Variants in KLHDC9 observed in about 807,000 individuals in gnomAD.
KLHDC9 encodes the protein kelch domain-containing protein 9.
In KLHDC9, 26 loss-of-function variants were observed where a neutral mutation model predicts 31.5. The observed-to-expected ratio is 0.83, with a 90% CI of 0.61 to 1.15. KLHDC9 has a LOEUF of 1.15. Among genes scored for constraint, KLHDC9 ranks in the 50% most tolerant of loss-of-function variants. The pLI is 0.00. For missense variants in KLHDC9, 437 were observed against 467.7 expected, an observed-to-expected ratio of 0.93 and a Z score of 0.61; for synonymous variants, 176 against 184.7, an observed-to-expected ratio of 0.95 and a Z score of 0.38.
Position 161,098,553 on chromosome 1 carries a change from C to G in KLHDC9, c.18C>G (p.Pro6=). 1 of 1,555,992 alleles carries G rather than the reference C, an allele frequency of 6.4e-7. No homozygotes were observed. Among genetic ancestry groups the G allele is most frequent in the Non-Finnish European group, 8.7e-7 (1 of 1,149,314 alleles). The change falls in exon 1 of 4, where the codon CCC becomes CCG. Residue 6 remains proline, a synonymous_variant. Transcript: ENST00000368011. The surrounding 1 kb of genome is among the most constrained non-coding windows in gnomAD (Gnocchi z 6.3). MAVAV[P]PGRAAGSGWA... ...CGGGGCCCATGGCGGTGGCCGTGCCCCCGGGTCGGGCCGCAGGCTCAGGCT... is the reference window on the plus strand; with the variant it reads ...CGGGGCCCATGGCGGTGGCCGTGCCGCCGGGTCGGGCCGCAGGCTCAGGCT...
rs568248738 is a variant in KLHDC9 at position 161,099,254 on chromosome 1, C to G, written c.528-92C>G. Reference sequence around the variant, plus strand: ...CTCTTATCCCACCTACCGCACTGCCCCATGCCTCTTCTCCATCCATCCTTG... The same window carrying G: ...CTCTTATCCCACCTACCGCACTGCCGCATGCCTCTTCTCCATCCATCCTTG... On this transcript the variant is annotated intron_variant, in intron 1 of 3. Transcript: ENST00000368011. The G allele has an allele frequency of 2.2e-5, 32 of 1,482,122 alleles. No homozygotes were observed. The African/African-American group carries it at 4.0e-4, about 19-fold the overall frequency. The allele number at this position is 1,482,122 out of a possible 1,614,324, so 91.8% of individuals were successfully genotyped here. A position where few individuals can be genotyped will look rare whatever the true frequency, so the allele number is the denominator to read the frequency against.
At position 161,098,633 on chromosome 1, in the gene KLHDC9, G is replaced by A; in HGVS notation, c.98G>A (p.Cys33Tyr). 1.2e-6 allele frequency: 2 copies of A among 1,611,432 alleles called. No individual in the cohort carries two copies. Among genetic ancestry groups the A allele is most frequent in the Non-Finnish European group, 1.7e-6 (2 of 1,178,784 alleles). ...DALLARAFHS[C>Y]TELRGRFYLV... is the part of the protein sequence containing the mutation. ...CTTTTGGCTAGAGCTTTCCATTCAT[G>A]CACCGAACTGCGGGGACGGTTCTAT... Residue 33 changes from cysteine (C) to tyrosine (Y), a missense_variant, in exon 1 of 4, where the codon TGC becomes TAC. By Grantham distance (194) the Cys-to-Tyr change is radical (BLOSUM62 -2). Transcript: ENST00000368011. The surrounding 1 kb of genome is among the most constrained non-coding windows in gnomAD (Gnocchi z 6.3).
In KLHDC9 at chr1:161,099,826, G is replaced by T. The variant is rs372223707; in HGVS notation, c.886+30G>T. On this transcript the variant is annotated intron_variant, in intron 3 of 3. Transcript: ENST00000368011. ...GAGCCAGACTAATGGCTGAAGGGGG[G>T]GAAGGTGGGAAGATGGGGGAACCTG... 3.5e-5 allele frequency: 56 copies of T among 1,587,590 alleles called. No individual in the cohort carries two copies. The African/African-American group carries it at 6.9e-4, about 19-fold the overall frequency.
In KLHDC9 at chr1:161,098,696, C is replaced by T. The variant is rs1282020626; in HGVS notation, c.161C>T (p.Pro54Leu). 6.2e-7 allele frequency: 1 copy of T among 1,613,118 alleles called. No individual in the cohort carries two copies. Among genetic ancestry groups the T allele is most frequent in the South Asian group, 1.1e-5 (1 of 90,904 alleles). ...CTCCTAGCAGGAGGAGCGAGAGAGCCCAGCAGCGATACGGTGGTTTTCGAC... is the reference window on the plus strand; with the variant it reads ...CTCCTAGCAGGAGGAGCGAGAGAGCTCAGCAGCGATACGGTGGTTTTCGAC... ...GGLLAGGARE[P>L]SSDTVVFDPA... Residue 54 changes from proline to leucine, a missense_variant, in exon 1 of 4, where the codon CCC (proline) becomes CTC (leucine). Physicochemically the swap from Pro to Leu is moderately conservative, Grantham distance 98. Transcript: ENST00000368011. The surrounding 1 kb of genome is among the most constrained non-coding windows in gnomAD (Gnocchi z 6.3).
At position 161,100,115 on chromosome 1, in the gene KLHDC9, G is replaced by A. The variant is rs771536937; in HGVS notation, c.941G>A (p.Arg314His). 5.4e-5 allele frequency: 87 copies of A among 1,613,982 alleles called. No individual in the cohort carries two copies. The highest frequency in any genetic ancestry group is 7.2e-5 in the Non-Finnish European group (85 of 1,180,034). Residue 314 changes from arginine to histidine, a missense_variant, in exon 4 of 4, where the codon CGC (arginine) becomes CAC (histidine). Arg to His is a conservative substitution (Grantham distance 29). Transcript: ENST00000368011. ...HFPCADRGMK[R>H]MGHRTCLWND... is the part of the protein sequence containing the mutation. ...CCCTGTGCAGATCGTGGGATGAAAC[G>A]CATGGGCCATCGCACCTGCCTTTGG... is the stretch of plus-strand genomic sequence containing the variant.
Position 161,098,452 on chromosome 1 carries a change from C to T in KLHDC9, c.-84C>T. The stretch of plus-strand genomic sequence containing the variant: ...GGTAGGGGGAGGTTCCCGGGGAAGC[C>T]CGCGGAAGGCGAGGTGCCTGGCCTG... On this transcript the variant is annotated 5_prime_UTR_variant, in exon 1 of 4. Coordinates refer to ENST00000368011, the MANE Select transcript of KLHDC9 (RefSeq NM_152366.5). The surrounding 1 kb of genome is among the most constrained non-coding windows in gnomAD (Gnocchi z 6.3). The T allele has an allele frequency of 1.6e-6, 2 of 1,288,718 alleles. No individual in the cohort carries two copies. The highest frequency in any genetic ancestry group is 1.6e-5 in the South Asian group (1 of 60,986). The allele number at this position is 1,288,718 out of a possible 1,614,324, so 79.8% of individuals were successfully genotyped here. A position where few individuals can be genotyped will look rare whatever the true frequency, so the allele number is the denominator to read the frequency against.
rs17853053 is a variant in KLHDC9, at chr1:161,098,547, C to T, written c.12C>T (p.Ala4=). 6.4e-7 allele frequency: 1 copy of T among 1,552,660 alleles called. No individual in the cohort carries two copies. Among genetic ancestry groups the T allele is most frequent in the Non-Finnish European group, 8.7e-7 (1 of 1,147,318 alleles). Residue 4 remains alanine (A), a synonymous_variant, in exon 1 of 4, where the codon GCC becomes GCT. Transcript: ENST00000368011. The surrounding 1 kb of genome is among the most constrained non-coding windows in gnomAD (Gnocchi z 6.3). Reference sequence around the variant, plus strand: ...TCTCCCCGGGGCCCATGGCGGTGGCCGTGCCCCCGGGTCGGGCCGCAGGCT... The same window carrying T: ...TCTCCCCGGGGCCCATGGCGGTGGCTGTGCCCCCGGGTCGGGCCGCAGGCT... MAV[A]VPPGRAAGSG...
rs1362909325 is a variant in KLHDC9 at position 161,098,852 on chromosome 1, C to T, written c.317C>T (p.Thr106Ile). The change falls in exon 1 of 4, where the codon ACA becomes ATA. Residue 106 changes from threonine (T) to isoleucine (I), a missense_variant. Coordinates refer to ENST00000368011, the MANE Select transcript of KLHDC9 (RefSeq NM_152366.5). The surrounding 1 kb of genome is among the most constrained non-coding windows in gnomAD (Gnocchi z 6.3). ...GGWDGSRRLA[T>I]VTALDTERGV... ...TGGGACGGGTCTCGCCGCTTGGCCA[C>T]AGTGACCGCACTGGACACAGAGCGC... is the stretch of plus-strand genomic sequence containing the variant. 6.3e-7 allele frequency: 1 copy of T among 1,579,446 alleles called. No individual in the cohort carries two copies. The highest frequency in any genetic ancestry group is 8.6e-7 in the Non-Finnish European group (1 of 1,163,060).
Position 161,099,797 on chromosome 1 carries a change from G to T in KLHDC9, c.886+1G>T, listed in dbSNP as rs139418163. 6.2e-7 allele frequency: 1 copy of T among 1,612,074 alleles called. No homozygotes were observed. The highest frequency in any genetic ancestry group is 1.1e-5 in the South Asian group (1 of 91,030). ...AATGATCTCTACATCTATGATACTC[G>T]TGAGAGCCAGACTAATGGCTGAAGG... On this transcript the variant is annotated splice_donor_variant, in intron 3 of 3. Coordinates refer to ENST00000368011, the MANE Select transcript of KLHDC9 (RefSeq NM_152366.5). LOFTEE classifies it high-confidence loss of function.
rs1654500161 is a variant in KLHDC9 at position 161,099,928 on chromosome 1, GAAT to G, written c.887-131_887-129del. ...TTGACAGGAGTTAAAGGAGTACACA[GAAT>G]ATTAAGCATTTGAAGAGGCCTACAA... On this transcript the variant is annotated intron_variant, in intron 3 of 3. Coordinates refer to ENST00000368011, the MANE Select transcript of KLHDC9 (RefSeq NM_152366.5). 3.8e-6 allele frequency: 5 copies of G among 1,331,476 alleles called. No homozygotes were observed. In the Admixed American group the frequency reaches 8.7e-5, roughly 23 times the overall value. The allele number at this position is 1,331,476 out of a possible 1,614,324, so 82.5% of individuals were successfully genotyped here.
At position 161,098,453 on chromosome 1, in the gene KLHDC9, CGCGGAAG is replaced by C. The variant is rs1464873813; in HGVS notation, c.-79_-73del. ...GTAGGGGGAGGTTCCCGGGGAAGCC[CGCGGAAG>C]GCGAGGTGCCTGGCCTGCCATGTAG... On this transcript the variant is annotated 5_prime_UTR_variant, in exon 1 of 4. Coordinates refer to ENST00000368011, the MANE Select transcript of KLHDC9 (RefSeq NM_152366.5). This position sits in a 1 kb window ranked among gnomAD's most constrained non-coding sequence, Gnocchi z 6.3. The C allele has an allele frequency of 7.7e-7, 1 of 1,290,986 alleles. No homozygotes were observed. The highest frequency in any genetic ancestry group is 1.0e-6 in the Non-Finnish European group (1 of 973,926). The allele number at this position is 1,290,986 out of a possible 1,614,324, so 80.0% of individuals were successfully genotyped here.
Position 161,098,597 on chromosome 1 carries a change from C to A in KLHDC9, c.62C>A (p.Ala21Glu). The change falls in exon 1 of 4, where the codon GCG becomes GAG. Residue 21 changes from alanine to glutamate, a missense_variant. By Grantham distance (107) the Ala-to-Glu change is moderately radical. Coordinates refer to ENST00000368011, the MANE Select transcript of KLHDC9 (RefSeq NM_152366.5). This position sits in a 1 kb window ranked among gnomAD's most constrained non-coding sequence, Gnocchi z 6.3. ...AGSGWAWRPV[A>E]RDALLARAFH... Reference sequence around the variant, plus strand: ...TCAGGCTGGGCCTGGAGGCCAGTGGCGCGGGACGCGCTTTTGGCTAGAGCT... The same window carrying A: ...TCAGGCTGGGCCTGGAGGCCAGTGGAGCGGGACGCGCTTTTGGCTAGAGCT... 1 of 1,592,250 alleles carries A rather than the reference C, an allele frequency of 6.3e-7. No homozygotes were observed. The highest frequency in any genetic ancestry group is 1.1e-5 in the South Asian group (1 of 88,006).
intron 1 of KLHDC9, 80 bp from the exon 2 acceptor site, chr1:161,099,266 T>TGAG (rs1654460256): frequency 1.3e-6 from 2 of 1,547,038 alleles, no homozygotes; most frequent in Non-Finnish European, 1.8e-6. Context: ...ATGCCTCTTC[T>TGAG]CCATCCATCC....
Position 161,100,041 on chromosome 1 carries a change from C to G in KLHDC9, c.887-20C>G. 2 of 1,613,292 alleles carry G rather than the reference C, an allele frequency of 1.2e-6. No individual in the cohort carries two copies. The highest frequency in any genetic ancestry group is 1.7e-6 in the Non-Finnish European group (2 of 1,179,298). On this transcript the variant is annotated intron_variant, in intron 3 of 3. Transcript: ENST00000368011. ...AAAGTGCTACTGCCTCAATAACCACCCTCTGCCCGTATCCAACAGGCACAT... is the reference window on the plus strand; with the variant it reads ...AAAGTGCTACTGCCTCAATAACCACGCTCTGCCCGTATCCAACAGGCACAT...
rs762251551 is a variant in KLHDC9 at position 161,099,191 on chromosome 1, T to C, written c.527+129T>C. Reference sequence around the variant, plus strand: ...ACCCTCCTTCCAGGGGAACCTACCATGTTTAAGCTAGCTGAGCTCTCTACA... The same window carrying C: ...ACCCTCCTTCCAGGGGAACCTACCACGTTTAAGCTAGCTGAGCTCTCTACA... On this transcript the variant is annotated intron_variant, in intron 1 of 3. Coordinates refer to ENST00000368011, the MANE Select transcript of KLHDC9 (RefSeq NM_152366.5). 3.1e-6 allele frequency: 4 copies of C among 1,310,788 alleles called. No homozygotes were observed. In the South Asian group the frequency reaches 3.7e-5, roughly 12 times the overall value. 81.2% of individuals were successfully genotyped at this position (1,310,788 alleles called of 1,614,324 possible). A position where few individuals can be genotyped will look rare whatever the true frequency, so the allele number is the denominator to read the frequency against.
chr1:161,098,571 C>T lies in KLHDC9; in HGVS notation c.36C>T (p.Gly12=). ...AVAVPPGRAA[G]SGWAWRPVAR... ...CCGTGCCCCCGGGTCGGGCCGCAGG[C>T]TCAGGCTGGGCCTGGAGGCCAGTGG... The change falls in exon 1 of 4, where the codon GGC becomes GGT. Residue 12 remains glycine (G), a synonymous_variant. Coordinates refer to ENST00000368011, the MANE Select transcript of KLHDC9 (RefSeq NM_152366.5). The surrounding 1 kb of genome is among the most constrained non-coding windows in gnomAD (Gnocchi z 6.3). 3 of 1,569,490 alleles carry T rather than the reference C, an allele frequency of 1.9e-6. No homozygotes were observed. The highest frequency in any genetic ancestry group is 2.4e-5 in the East Asian group (1 of 41,894).
chr1:161,098,782 G>A lies in KLHDC9; in HGVS notation c.247G>A (p.Asp83Asn), dbSNP rs761212909. ...ARGSPPRSHH[D>N]AAPVDGRWLC... The stretch of plus-strand genomic sequence containing the variant: ...GGGCAGCCCCCCGCGCAGTCACCAC[G>A]ACGCGGCACCCGTGGACGGGCGTTG... Residue 83 changes from aspartate to asparagine, a missense_variant, in exon 1 of 4, where the codon GAC becomes AAC. Transcript: ENST00000368011. This position sits in a 1 kb window ranked among gnomAD's most constrained non-coding sequence, Gnocchi z 6.3. 3.8e-6 allele frequency: 6 copies of A among 1,595,694 alleles called. No individual in the cohort carries two copies. Among genetic ancestry groups the A allele is most frequent in the Non-Finnish European group, 5.1e-6 (6 of 1,171,202 alleles).
In KLHDC9 at chr1:161,098,433, G is replaced by A; in HGVS notation, c.-103G>A. 2 of 1,093,020 alleles carry A rather than the reference G, an allele frequency of 1.8e-6. No individual in the cohort carries two copies. Among genetic ancestry groups the A allele is most frequent in the Non-Finnish European group, 2.5e-6 (2 of 796,482 alleles). 67.7% of individuals were successfully genotyped at this position (1,093,020 alleles called of 1,614,324 possible). ...GGAACCCCGGCTGGCGTCCGGTAGG[G>A]GGAGGTTCCCGGGGAAGCCCGCGGA... On this transcript the variant is annotated 5_prime_UTR_variant, in exon 1 of 4. Coordinates refer to ENST00000368011, the MANE Select transcript of KLHDC9 (RefSeq NM_152366.5). This position sits in a 1 kb window ranked among gnomAD's most constrained non-coding sequence, Gnocchi z 6.3.
chr1:161,099,217 G>A (rs1368505857), intron 1 of KLHDC9, 129 bp from the exon 2 acceptor site: 2 of 1,310,516 alleles, frequency 1.5e-6, no homozygotes, highest in African/African-American at 1.5e-5. Context: ...GCTCTCTACA[G>A]TATTACCCTC....
Sources: gnomAD v4.1 joint callset for allele counts on GRCh38, gnomAD v4.1.1 for gene constraint, Gnocchi (gnomAD v3.1) non-coding constraint, MANE v1.5 for transcripts, NCBI Gene and HGNC (gene_info 2026-07-23, HGNC 2026-07-21) for gene names.